SLC24A2: variants seen among roughly 807,000 people sequenced by gnomAD.
The protein encoded by SLC24A2 is sodium/potassium/calcium exchanger 2.
SLC24A2 carries 36 observed loss-of-function variants against 62.0 expected under a neutral mutation model. The ratio of observed to expected loss-of-function variants is 0.58; its 90% confidence interval spans 0.44 to 0.77. The LOEUF is 0.77. Among genes scored for constraint, SLC24A2 ranks in the 30% least tolerant of loss-of-function variants. The probability of loss-of-function intolerance (pLI) is 0.00; values close to 1 mark genes in which losing one functional copy is unlikely to be tolerated. For synonymous variants in SLC24A2, 358 were observed against 294.0 expected, an observed-to-expected ratio of 1.22 and a Z score of -2.23; for missense variants, 846 against 817.9, an observed-to-expected ratio of 1.03 and a Z score of -0.42.
At chr9:19,822,358 A>G in the SLC24A2 span, among the ~76,000 whole-genome samples, 2 of 152,148 alleles carry the variant, frequency 1.3e-5, no homozygotes, top group Admixed American at 6.6e-5. Flanking sequence ...CTAAAAATAT[A>G]TAATTGATGA....
chr9:20,111,413 C>A, the SLC24A2 span, among the ~76,000 whole-genome samples: 1 of 152,096 alleles, frequency 6.6e-6, no homozygotes, highest in South Asian at 2.1e-4. Context: ...GTGTTATTAG[C>A]CTAGAGGCAC....
chr9:19,792,571 G>A (rs1390253422), upstream of SLC24A2, among the ~76,000 whole-genome samples: 1 of 151,236 alleles, frequency 6.6e-6, no homozygotes, highest in Admixed American at 6.6e-5. Context: ...TGCTGGGTGT[G>A]GTGGCAGGTG....
intron 7 of SLC24A2, among the ~76,000 whole-genome samples, chr9:19,559,201 G>C (rs139778732): frequency 2.0e-5 from 3 of 152,098 alleles, no homozygotes; most frequent in African/African-American, 7.2e-5. Flanking sequence ...GAGAAAAAAA[G>C]CTTGACTAGG....
chr9:20,197,287 T>A, the SLC24A2 span, among the ~76,000 whole-genome samples: 1 of 152,164 alleles, frequency 6.6e-6, no homozygotes, highest in Non-Finnish European at 1.5e-5. Flanking sequence ...CAATGTATAT[T>A]CTCACAATAG....
At chr9:19,901,504 G>C in the SLC24A2 span, among the ~76,000 whole-genome samples, 1 of 152,212 alleles carries the variant, frequency 6.6e-6, no homozygotes, top group Non-Finnish European at 1.5e-5. Context: ...GAGGGGTTGG[G>C]GCAGGAGCTT....
the SLC24A2 span, among the ~76,000 whole-genome samples, chr9:20,265,446 C>G: frequency 6.6e-6 from 1 of 152,194 alleles, no homozygotes; most frequent in East Asian, 1.9e-4. Context: ...TTTCTTACGC[C>G]TGTCTTTACT....
the SLC24A2 span, among the ~76,000 whole-genome samples, chr9:20,019,031 C>G: frequency 2.0e-5 from 3 of 149,596 alleles, no homozygotes; most frequent in African/African-American, 7.4e-5. Context: ...CCACAACACT[C>G]CTAGCCTGGA....
intron 2 of SLC24A2, among the ~76,000 whole-genome samples, chr9:19,641,029 G>A (rs1818478713): frequency 2.0e-5 from 3 of 152,198 alleles, no homozygotes; most frequent in Non-Finnish European, 4.4e-5. Flanking sequence ...TTTGGCGGGA[G>A]ATCTAAAGTG....
intron 9 of SLC24A2, among the ~76,000 whole-genome samples, chr9:19,527,338 T>C (rs1018439064): frequency 6.6e-6 from 1 of 152,194 alleles, no homozygotes; most frequent in Admixed American, 6.5e-5. Context: ...GCTTAACTTC[T>C]TTATCTGTAA....
At chr9:20,268,705 CAGA>C in the SLC24A2 span, among the ~76,000 whole-genome samples, 1 of 152,314 alleles carries the variant, frequency 6.6e-6, no homozygotes, top group African/African-American at 2.4e-5. Context: ...CAACAGAAAA[CAGA>C]CTAAGACATC....
At chr9:20,125,647 T>C in the SLC24A2 span, among the ~76,000 whole-genome samples, 1 of 152,152 alleles carries the variant, frequency 6.6e-6, no homozygotes, top group Non-Finnish European at 1.5e-5. Context: ...GACTCACCTA[T>C]GAGTTGCAGT....
the SLC24A2 span, among the ~76,000 whole-genome samples, chr9:20,157,203 C>T: frequency 6.6e-6 from 1 of 151,156 alleles, no homozygotes; most frequent in Non-Finnish European, 1.5e-5. Context: ...CTATTAAGGA[C>T]AATTATGGCC....
intron 2 of SLC24A2, among the ~76,000 whole-genome samples, chr9:19,693,465 T>C (rs1375707351): frequency 6.6e-6 from 1 of 152,164 alleles, no homozygotes; most frequent in African/African-American, 2.4e-5. Context: ...GATTTCCTTT[T>C]CAGTTGTTGA....
At chr9:20,007,998 C>T in the SLC24A2 span, among the ~76,000 whole-genome samples, 1 of 143,456 alleles carries the variant, frequency 7.0e-6, no homozygotes, top group Non-Finnish European at 1.5e-5. Context: ...TGGGTTCAAG[C>T]GATTCTCCTG....
chr9:19,834,099 A>C, the SLC24A2 span, among the ~76,000 whole-genome samples: 1 of 152,188 alleles, frequency 6.6e-6, no homozygotes, highest in Admixed American at 6.5e-5. Context: ...CAAAGACCAA[A>C]GGTAGATAAA....
the SLC24A2 span, among the ~76,000 whole-genome samples, chr9:20,221,235 C>T: frequency 6.6e-6 from 1 of 151,952 alleles, no homozygotes; most frequent in Non-Finnish European, 1.5e-5. Flanking sequence ...AAATTGTAAA[C>T]ACTAATAATA....
At chr9:20,200,632 C>T in the SLC24A2 span, among the ~76,000 whole-genome samples, 2 of 152,294 alleles carry the variant, frequency 1.3e-5, no homozygotes, top group Non-Finnish European at 2.9e-5. Flanking sequence ...AACATGGGGA[C>T]ACATTGCTAG....
the SLC24A2 span, among the ~76,000 whole-genome samples, chr9:20,033,370 A>G: frequency 6.6e-6 from 1 of 152,238 alleles, no homozygotes; most frequent in African/African-American, 2.4e-5. Flanking sequence ...AATACTTGAT[A>G]TGGTACCTAA....
the SLC24A2 span, among the ~76,000 whole-genome samples, chr9:19,850,946 CATATATATATATATATATATGT>C: frequency 3.2e-4 from 8 of 24,720 alleles, 1 homozygote; most frequent in East Asian, 4.2e-3. Context: ...TATATATATA[CATATATATATATATATATATGT>C]ATATATATAT....
Sources: gnomAD v4.1 joint callset for allele counts (sites outside exome capture counted in the v4.1 genomes callset) on GRCh38, gnomAD v4.1.1 for gene constraint, MANE v1.5 for transcripts, NCBI Gene and HGNC (gene_info 2026-07-23, HGNC 2026-07-21) for gene names.